SVIL: variants seen among roughly 807,000 people sequenced by gnomAD.
SVIL encodes supervillin, also known as archvillin.
A neutral mutation model predicts 240.4 loss-of-function variants in SVIL; 101 were observed. The ratio of observed to expected loss-of-function variants is 0.42; its 90% CI spans 0.36 to 0.50. SVIL has a LOEUF of 0.50. Ranked by LOEUF, SVIL falls within the 20% of genes least tolerant of loss-of-function variation. The pLI is 0.01. For missense variants in SVIL, 2,512 were observed against 2,818.7 expected, an observed-to-expected ratio of 0.89 and a Z score of 2.46; for synonymous variants, 999 against 1,100.0, an observed-to-expected ratio of 0.91 and a Z score of 1.82.
upstream of SVIL, among the ~76,000 whole-genome samples, chr10:29,638,319 A>G (rs1958375969): frequency 6.6e-6 from 1 of 151,956 alleles, no homozygotes; most frequent in African/African-American, 2.4e-5. Context: ...AAAATTAGCC[A>G]GGCATGGTGG....
intron 17 of SVIL, among the ~76,000 whole-genome samples, chr10:29,505,330 A>G (rs928422110): frequency 5.9e-5 from 9 of 151,720 alleles, no homozygotes; most frequent in African/African-American, 2.2e-4. Flanking sequence ...CATCTCAAAA[A>G]TAATAATAAT....
intron 27 of SVIL, among the ~76,000 whole-genome samples, chr10:29,482,005 C>T (rs1946911918): frequency 7.0e-6 from 1 of 142,922 alleles, no homozygotes; most frequent in Non-Finnish European, 1.5e-5. Context: ...TACATTCTAG[C>T]AAGTTCTTTT....
intron 3 of SVIL, among the ~76,000 whole-genome samples, chr10:29,642,592 C>G (rs74478922): frequency 6.6e-6 from 1 of 152,136 alleles, no homozygotes; most frequent in East Asian, 1.9e-4. Flanking sequence ...TTTCATATTA[C>G]CAGGACCTAG....
chr10:29,724,173 T>TG (rs1368391507), intron 1 of SVIL, among the ~76,000 whole-genome samples: 8 of 99,866 alleles, frequency 8.0e-5, no homozygotes, highest in South Asian at 2.9e-4. Context: ...GAGTTTTTTG[T>TG]TTTCTCTCTT....
chr10:29,728,922 G>GA (rs760809872), intron 1 of SVIL, among the ~76,000 whole-genome samples: 5 of 152,144 alleles, frequency 3.3e-5, no homozygotes, highest in Non-Finnish European at 7.4e-5. Flanking sequence ...GGCCTGCCGG[G>GA]AGGTGGCTGG....
At chr10:29,529,175 CAAAAAA>C (rs66523560) in intron 12 of SVIL, among the ~76,000 whole-genome samples, 2 of 66,058 alleles carry the variant, frequency 3.0e-5, no homozygotes, top group African/African-American at 1.1e-4. Flanking sequence ...GACTCTCTCT[CAAAAAA>C]AAAAAAAAAA....
chr10:29,474,702 C>G (rs1945999072), intron 29 of SVIL, among the ~76,000 whole-genome samples: 1 of 152,108 alleles, frequency 6.6e-6, no homozygotes, highest in African/African-American at 2.4e-5. Flanking sequence ...AACTCATTTT[C>G]CATATTACAC....
chr10:29,565,709 G>A (rs1254897825), intron 2 of SVIL, among the ~76,000 whole-genome samples: 1 of 143,806 alleles, frequency 7.0e-6, no homozygotes, highest in Non-Finnish European at 1.5e-5. Context: ...GGGCAACATA[G>A]CAAGATCCCA....
At chr10:29,482,021 C>CTTTTTTTTT (rs35856299) in intron 27 of SVIL, among the ~76,000 whole-genome samples, 13 of 113,450 alleles carry the variant, frequency 1.1e-4, no homozygotes, top group African/African-American at 2.1e-4. Flanking sequence ...CTTTTCTTTT[C>CTTTTTTTTT]TTTTTTTTTT....
chr10:29,483,524 G>T (rs1313640380), intron 27 of SVIL: 5 of 152,200 alleles, frequency 3.3e-5, no homozygotes, highest in Admixed American at 2.6e-4. Context: ...AGGTGATTCT[G>T]TCTCAGAGAT....
chr10:29,638,397 C>T (rs528833207), upstream of SVIL, among the ~76,000 whole-genome samples: 186 of 151,536 alleles, frequency 1.2e-3, no homozygotes, highest in African/African-American at 4.4e-3. Flanking sequence ...ACCCGGGAGG[C>T]GGAGGTTGCA....
At chr10:29,687,387 A>G (rs1247668302) in intron 1 of SVIL, among the ~76,000 whole-genome samples, 1 of 152,194 alleles carries the variant, frequency 6.6e-6, no homozygotes, top group Admixed American at 6.5e-5. Flanking sequence ...CACTAAATAA[A>G]ATCTCCCAAA....
At chr10:29,542,455 G>T in intron 6 of SVIL, among the ~76,000 whole-genome samples, 1 of 152,046 alleles carries the variant, frequency 6.6e-6, no homozygotes, top group Non-Finnish European at 1.5e-5. Flanking sequence ...AAATCCTTAC[G>T]AAATTGCTAA....
At position 29,684,340 on chromosome 10, in the gene SVIL, C is replaced by T. The variant is rs141158243; in HGVS notation, c.-301+2213G>A. Among the ~76,000 whole-genome samples the T allele has an allele frequency of 1.4e-4, 21 of 152,120 alleles. No homozygotes were observed. The East Asian group carries it at 3.1e-3, about 22-fold the overall frequency. Reference sequence around the variant, plus strand: ...AGCTCCTGAGAACATGTACCCAAGGCGGTTGGGTTACAGCTTGGTTTTATG... The same window carrying T: ...AGCTCCTGAGAACATGTACCCAAGGTGGTTGGGTTACAGCTTGGTTTTATG... On this transcript the variant is annotated intron_variant, in intron 2 of 35. Coordinates refer to the SVIL transcript ENST00000375400.
chr10:29,469,311 G>T (rs1945288898), intron 32 of SVIL, among the ~76,000 whole-genome samples: 2 of 152,138 alleles, frequency 1.3e-5, no homozygotes, highest in Admixed American at 6.5e-5. Flanking sequence ...GAGGTCACCT[G>T]CCCCGTTCTC....
At chr10:29,506,701 TACGAGGGAGGGGA>T (rs1949338236) in intron 17 of SVIL, among the ~76,000 whole-genome samples, 2 of 114,846 alleles carry the variant, frequency 1.7e-5, no homozygotes, top group African/African-American at 6.6e-5. Context: ...ACAGAGGCCC[TACGAGGGAGGGGA>T]TAGAGACTCT....
rs1177117574 is a variant in SVIL, at chr10:29,550,881, T to A, written c.543A>T (p.Glu181Asp). 1 of 1,613,986 alleles carries A rather than the reference T, an allele frequency of 6.2e-7. No homozygotes were observed. Among genetic ancestry groups the A allele is most frequent in the Admixed American group, 1.7e-5 (1 of 60,000 alleles). Residue 181 changes from glutamate to aspartate, a missense_variant, in exon 6 of 38, where the codon GAA becomes GAT. Transcript: ENST00000355867. ...ETMGLRTCAGESKDYALHVGD... is the reference protein window; with the variant it reads ...ETMGLRTCAGDSKDYALHVGD... ...CCACATGGAGGGCATAGTCCTTGGA[T>A]TCACCGGCACAGGTCCTGAGCCCCA...
At position 29,498,088 on chromosome 10, in the gene SVIL, CAAAAAAAAAA is replaced by C. The variant is rs34280398; in HGVS notation, c.3664+1018_3664+1027del. ...CAGAGCGAGATTCTGTCCCCTCCAC[CAAAAAAAAAA>C]AAAAAAAAAAAAAAAAAAAGAAAAA... On this transcript the variant is annotated intron_variant, in intron 18 of 37. Coordinates refer to ENST00000355867, the MANE Select transcript of SVIL (RefSeq NM_021738.3). 7.0e-3 allele frequency among the ~76,000 whole-genome samples: 263 copies of C among 37,484 alleles called. 1 individual carries two copies. Among genetic ancestry groups the C allele is most frequent in the African/African-American group, 0.015 (251 of 16,596 alleles). The allele number at this position is 37,484 out of a possible 152,430, so 24.6% of individuals were successfully genotyped here.
In SVIL at chr10:29,550,603, C is replaced by T. The variant is rs770487203; in HGVS notation, c.821G>A (p.Arg274Gln). The part of the protein sequence containing the change: ...FGDPQLSPEA[R>Q]PSTGKPKHEW... ...GCGTGGACTGGATGCTTACCTGGGTCGGGCCTCAGGGGATAGCTGTGGGTC... is the reference window on the plus strand; with the variant it reads ...GCGTGGACTGGATGCTTACCTGGGTTGGGCCTCAGGGGATAGCTGTGGGTC... The change falls in exon 6 of 38, where the codon CGA becomes CAA. Residue 274 changes from arginine to glutamine, a missense_variant. Arg to Gln is a conservative substitution (Grantham distance 43). Coordinates refer to ENST00000355867, the MANE Select transcript of SVIL (RefSeq NM_021738.3). The T allele has an allele frequency of 1.2e-6, 2 of 1,605,926 alleles. No individual in the cohort carries two copies. Among genetic ancestry groups the T allele is most frequent in the South Asian group, 2.2e-5 (2 of 90,056 alleles).
Sources: gnomAD v4.1 joint callset for allele counts (sites outside exome capture counted in the v4.1 genomes callset) on GRCh38, gnomAD v4.1.1 for gene constraint, MANE v1.5 for transcripts, NCBI Gene and HGNC (gene_info 2026-07-23, HGNC 2026-07-21) for gene names.